Variants in TG observed in about 807,000 individuals in gnomAD.
TG encodes thyroglobulin, also known as thyroid hormones.
Under a neutral mutation model 324.7 loss-of-function variants are expected in TG, and 270 were observed. The observed-to-expected ratio is 0.83, with a 90% CI of 0.75 to 0.92. TG has a LOEUF of 0.92. Ranked by LOEUF, TG falls within the 40% of genes least tolerant of loss-of-function variation. The probability of loss-of-function intolerance (pLI) is 0.00; values close to 1 mark genes in which losing one functional copy is unlikely to be tolerated. For missense variants in TG, 3,591 were observed against 3,456.4 expected (o/e 1.04, Z -0.98); for synonymous variants, 1,401 against 1,327.0 (o/e 1.06, Z -1.21).
Position 132,873,213 on chromosome 8 carries a change from C to A in TG, c.630C>A (p.Ser210Arg), listed in dbSNP as rs1455505553. 6.2e-7 allele frequency: 1 copy of A among 1,614,162 alleles called. No individual in the cohort carries two copies. The highest frequency in any genetic ancestry group is 1.7e-5 in the Admixed American group (1 of 60,028). The change falls in exon 5 of 48, where the codon AGC becomes AGA. Residue 210 changes from serine to arginine, a missense_variant. Coordinates refer to ENST00000220616, the MANE Select transcript of TG (RefSeq NM_003235.5). ...TDMMIFDLVH[S>R]YNRFPDAFVT... ...TGATGATTTTTGATCTGGTCCACAG[C>A]TACAACAGGTAAGGGGAGCAGGGGT...
At chr8:132,995,869 G>A (rs560716936) in intron 35 of TG, among the ~76,000 whole-genome samples, 11 of 152,178 alleles carry the variant, frequency 7.2e-5, no homozygotes, top group African/African-American at 2.2e-4. Context: ...CCCTAGAAGC[G>A]TCTTTGAAGT....
Position 132,882,919 on chromosome 8 carries a change from C to G in TG, c.995C>G (p.Thr332Arg). ...GACTATCAGGCGGTGCAGTGCCAGA[C>G]GGAAGGGCCCTGCTGGTGTGTGGAC... ...NGDYQAVQCQTEGPCWCVDAQ... is the reference protein window; with the variant it reads ...NGDYQAVQCQREGPCWCVDAQ... Residue 332 changes from threonine to arginine, a missense_variant, in exon 8 of 48, where the codon ACG becomes AGG. Thr to Arg is a moderately conservative substitution (Grantham distance 71). Coordinates refer to ENST00000220616, the MANE Select transcript of TG (RefSeq NM_003235.5). The G allele has an allele frequency of 3.1e-6, 5 of 1,614,178 alleles. No individual in the cohort carries two copies. Among genetic ancestry groups the G allele is most frequent in the Non-Finnish European group, 4.2e-6 (5 of 1,180,032 alleles).
intron 41 of TG, among the ~76,000 whole-genome samples, chr8:133,085,744 G>A (rs1846435030): frequency 6.6e-6 from 1 of 152,196 alleles, no homozygotes; most frequent in Non-Finnish European, 1.5e-5. Flanking sequence ...ATATGAAGAA[G>A]TAAAAGCATT....
intron 27 of TG, among the ~76,000 whole-genome samples, chr8:132,952,901 A>G (rs1826326476): frequency 6.6e-6 from 1 of 152,148 alleles, no homozygotes; most frequent in African/African-American, 2.4e-5. Flanking sequence ...GACCAGTGCT[A>G]TCTTGTGGAA....
chr8:133,074,875 C>T, intron 41 of TG: 1 of 985,590 alleles, frequency 1.0e-6, no homozygotes, highest in Non-Finnish European at 1.2e-6. Flanking sequence ...GGCATGACTC[C>T]TGTGGGAGCT....
At chr8:133,062,762 G>A (rs1049347732) in intron 41 of TG, among the ~76,000 whole-genome samples, 80 of 152,254 alleles carry the variant, frequency 5.3e-4, no homozygotes, top group African/African-American at 1.9e-3. Flanking sequence ...AGGCTGTTCT[G>A]CACAGGCCTT....
rs1300817462 is a variant in TG, at chr8:133,030,043, C to G, written c.7239+20C>G. ...CTGATGGTAAGTGGTGTGTGTTCTA[C>G]CTTCAGTCTTACTGCAGATGCGGCT... On this transcript the variant is annotated intron_variant, in intron 41 of 47. Transcript: ENST00000220616. 2 of 1,613,978 alleles carry G rather than the reference C, an allele frequency of 1.2e-6. No individual in the cohort carries two copies. Among genetic ancestry groups the G allele is most frequent in the Non-Finnish European group, 1.7e-6 (2 of 1,179,956 alleles).
At chr8:133,083,791 C>T (rs562308497) in intron 41 of TG, among the ~76,000 whole-genome samples, 34 of 152,278 alleles carry the variant, frequency 2.2e-4, no homozygotes, top group Admixed American at 3.3e-4. Flanking sequence ...AGCAGGCTCA[C>T]GGACTCACAT....
At chr8:133,094,123 A>G (rs1360455297) in intron 41 of TG, among the ~76,000 whole-genome samples, 2 of 152,164 alleles carry the variant, frequency 1.3e-5, no homozygotes, top group Non-Finnish European at 2.9e-5. Flanking sequence ...GACCCCACTC[A>G]GCTCATTTGT....
intron 43 of TG, among the ~76,000 whole-genome samples, chr8:133,107,990 T>TTTTC (rs1849958836): frequency 6.8e-6 from 1 of 147,444 alleles, no homozygotes; most frequent in Non-Finnish European, 1.5e-5. Context: ...TTCTTTTTTT[T>TTTTC]TTTTTTTTTT....
chr8:132,974,365 G>A (rs1046080736), intron 34 of TG, among the ~76,000 whole-genome samples: 3 of 152,152 alleles, frequency 2.0e-5, no homozygotes, highest in Admixed American at 6.5e-5. Context: ...CATTCTTCAC[G>A]TCCCTGCCGT....
chr8:132,895,108 G>A (rs892288116), intron 11 of TG, among the ~76,000 whole-genome samples: 10 of 152,234 alleles, frequency 6.6e-5, no homozygotes, highest in Admixed American at 2.0e-4. Flanking sequence ...TCTGGCAGGA[G>A]AACAGGTCCC....
intron 41 of TG, chr8:133,075,076 A>C (rs1844656004): frequency 1.0e-6 from 1 of 985,420 alleles, no homozygotes; most frequent in Non-Finnish European, 1.2e-6. Context: ...GGGCTTGCAG[A>C]AGGGCAGGTT....
intron 41 of TG, chr8:133,089,993 T>C (rs1349098216): frequency 6.6e-6 from 1 of 152,206 alleles, no homozygotes; most frequent in Non-Finnish European, 1.5e-5. Flanking sequence ...CTCCTGCTGA[T>C]TACTGGACAG....
Position 133,029,882 on chromosome 8 carries a change from G to A in TG, c.7098G>A (p.Val2366=), listed in dbSNP as rs1253339884. Residue 2366 remains valine (V), a synonymous_variant, in exon 41 of 48, where the codon GTG becomes GTA. Transcript: ENST00000220616. ...LLDQVAALTW[V]QTHIRGFGGD... The stretch of plus-strand genomic sequence containing the variant: ...ACCAGGTGGCGGCTCTGACCTGGGT[G>A]CAGACCCACATCCGAGGATTTGGCG... The A allele has an allele frequency of 3.1e-6, 5 of 1,614,260 alleles. No individual in the cohort carries two copies. Among genetic ancestry groups the A allele is most frequent in the Non-Finnish European group, 3.4e-6 (4 of 1,180,046 alleles).
intron 10 of TG, among the ~76,000 whole-genome samples, chr8:132,891,014 G>A (rs1473119069): frequency 6.6e-6 from 1 of 152,202 alleles, no homozygotes; most frequent in Admixed American, 6.5e-5. Context: ...GACCAGTGGG[G>A]AAACCAAGGA....
rs144510512 is a variant in TG at position 133,054,240 on chromosome 8, G to A, written c.7239+24217G>A. ...GATAAATGAGTGAGGCAGAGAAGAG[G>A]AGAGTTGAGGAAGTCAGTGGAATTA... On this transcript the variant is annotated intron_variant, in intron 41 of 47. Coordinates refer to ENST00000220616, the MANE Select transcript of TG (RefSeq NM_003235.5). 9.9e-5 allele frequency among the ~76,000 whole-genome samples: 15 copies of A among 152,264 alleles called. No individual in the cohort carries two copies. In the East Asian group the frequency reaches 2.9e-3, roughly 29 times the overall value.
At chr8:133,024,833 C>T (rs1305604983) in intron 40 of TG, among the ~76,000 whole-genome samples, 3 of 152,096 alleles carry the variant, frequency 2.0e-5, no homozygotes, top group Non-Finnish European at 4.4e-5. Flanking sequence ...GGGTTGGTTC[C>T]AAGTCTTTGC....
intron 5 of TG, among the ~76,000 whole-genome samples, chr8:132,874,683 C>T (rs568913269): frequency 1.1e-3 from 168 of 152,298 alleles, no homozygotes; most frequent in Middle Eastern, 0.01. Context: ...ATTTTAAAAA[C>T]TGGAAACTTT....
Sources: gnomAD v4.1 joint callset for allele counts (sites outside exome capture counted in the v4.1 genomes callset) on GRCh38, gnomAD v4.1.1 for gene constraint, MANE v1.5 for transcripts, NCBI Gene and HGNC (gene_info 2026-07-23, HGNC 2026-07-21) for gene names.